The following AGAP1 variants were observed in gnomAD, a reference collection of about 807,000 sequenced individuals.
AGAP1 encodes arf-GAP with GTPase, ANK repeat and PH domain-containing protein 1.
Under a neutral mutation model 105.3 loss-of-function variants are expected in AGAP1, and 29 were observed. That is an observed-to-expected ratio of 0.28 (90% CI 0.21 to 0.38). The LOEUF (loss-of-function observed/expected upper bound fraction) is 0.38. Ranked by LOEUF, AGAP1 falls within the 10% of genes least tolerant of loss-of-function variation. The pLI, the probability that AGAP1 is intolerant of heterozygous loss-of-function variation, is 1.00. For synonymous variants in AGAP1, 509 were observed against 485.9 expected, an observed-to-expected ratio of 1.05 and a Z score of -0.63; for missense variants, 998 against 1,165.1, an observed-to-expected ratio of 0.86 and a Z score of 2.09.
intron 13 of AGAP1, among the ~76,000 whole-genome samples, chr2:235,986,103 A>C (rs550625485): frequency 1.3e-5 from 2 of 152,204 alleles, no homozygotes; most frequent in East Asian, 3.9e-4. Context: ...ATCCATGAGG[A>C]TGGAGTTTTT....
intron 9 of AGAP1, among the ~76,000 whole-genome samples, chr2:235,837,825 G>A (rs984709986): frequency 1.3e-5 from 2 of 152,046 alleles, no homozygotes; most frequent in African/African-American, 2.4e-5. Context: ...ATAAATGTTA[G>A]AAAAAAATTA....
Position 236,042,246 on chromosome 2 carries a change from C to T in AGAP1, c.1891+1405C>T, listed in dbSNP as rs11900972. ...GAAGGGAGACAGGAGCCCAGGACTG[C>T]TCCAGACAAAAGGGAAAGGAAGCGC... On this transcript the variant is annotated intron_variant, in intron 15 of 17. Transcript: ENST00000304032. This position sits in a 1 kb window ranked among gnomAD's most constrained non-coding sequence, Gnocchi z 5.6. Among the ~76,000 whole-genome samples, 1,750 of 152,164 alleles carry T rather than the reference C, an allele frequency of 0.012. 35 individuals carry two copies. The highest frequency in any genetic ancestry group is 0.04 in the African/African-American group (1,657 of 41,526).
rs1036520166 is a variant in AGAP1, at chr2:235,973,812, G to A, written c.1645+5189G>A. Among the ~76,000 whole-genome samples the A allele has an allele frequency of 3.3e-5, 5 of 152,182 alleles. No individual in the cohort carries two copies. The highest frequency in any genetic ancestry group is 1.2e-4 in the African/African-American group (5 of 41,450). On this transcript the variant is annotated intron_variant, in intron 13 of 17. Coordinates refer to ENST00000304032, the MANE Select transcript of AGAP1 (RefSeq NM_001037131.3). The surrounding 1 kb of genome is among the most constrained non-coding windows in gnomAD (Gnocchi z 4.7). ...TGGGGTCGGCATGGGTTGGACCAGG[G>A]CAGAGGAACCTGGGCTCTAGAAGGT...
At chr2:235,641,502 T>C (rs1168902840) in intron 1 of AGAP1, among the ~76,000 whole-genome samples, 1 of 152,058 alleles carries the variant, frequency 6.6e-6, no homozygotes, top group Non-Finnish European at 1.5e-5. Context: ...AGCAGCACTT[T>C]GGTAAATGTC....
chr2:235,840,681 A>G (rs1242937759), intron 9 of AGAP1, among the ~76,000 whole-genome samples: 8 of 152,028 alleles, frequency 5.3e-5, no homozygotes, highest in African/African-American at 1.7e-4. Context: ...TGGAAAGGAG[A>G]AGACATATCT....
intron 1 of AGAP1, among the ~76,000 whole-genome samples, chr2:235,587,480 G>A (rs113330605): frequency 1.6e-4 from 24 of 152,310 alleles, no homozygotes; most frequent in Middle Eastern, 3.4e-3. Flanking sequence ...GGCCGGGTGC[G>A]GTGGCTCATG....
intron 12 of AGAP1, among the ~76,000 whole-genome samples, chr2:235,944,140 A>G (rs890000763): frequency 6.6e-6 from 1 of 152,340 alleles, no homozygotes; most frequent in East Asian, 1.9e-4. Context: ...TTGCAGGGAA[A>G]TATTTCTATG....
At position 235,960,239 on chromosome 2, in the gene AGAP1, C is replaced by T. The variant is rs773692841; in HGVS notation, c.1484-8223C>T. Among the ~76,000 whole-genome samples the T allele has an allele frequency of 1.7e-4, 26 of 152,342 alleles. No individual in the cohort carries two copies. Among genetic ancestry groups the T allele is most frequent in the South Asian group, 1.2e-3 (6 of 4,824 alleles). Reference sequence around the variant, plus strand: ...ACACGTCAGTTACTCGAGTCATAGCCTCCTGAGGACGACTGCAAGGAGCTC... The same window carrying T: ...ACACGTCAGTTACTCGAGTCATAGCTTCCTGAGGACGACTGCAAGGAGCTC... On this transcript the variant is annotated intron_variant, in intron 12 of 17. Transcript: ENST00000304032. The surrounding 1 kb of genome is among the most constrained non-coding windows in gnomAD (Gnocchi z 4.9).
intron 1 of AGAP1, among the ~76,000 whole-genome samples, chr2:235,595,338 G>A (rs907646529): frequency 1.3e-5 from 2 of 152,160 alleles, no homozygotes; most frequent in East Asian, 1.9e-4. Flanking sequence ...GCCGGAAACC[G>A]TGAAACTGAC....
Position 236,022,533 on chromosome 2 carries a change from G to T in AGAP1, c.1646-14028G>T, listed in dbSNP as rs148316102. Among the ~76,000 whole-genome samples, 164 of 152,270 alleles carry T rather than the reference G, an allele frequency of 1.1e-3. 1 individual carries two copies. In the East Asian group the frequency reaches 0.029, roughly 27 times the overall value. ...TCCATATTCTCCAGGCTTGCCTACA[G>T]TCTTTGTCTTTTATTTTTGGACAGA... On this transcript the variant is annotated intron_variant, in intron 13 of 17. Coordinates refer to ENST00000304032, the MANE Select transcript of AGAP1 (RefSeq NM_001037131.3).
At chr2:235,945,115 T>C (rs1188906833) in intron 12 of AGAP1, among the ~76,000 whole-genome samples, 1 of 152,256 alleles carries the variant, frequency 6.6e-6, no homozygotes, top group Non-Finnish European at 1.5e-5. Flanking sequence ...TTTTTTGTTT[T>C]TTTGAGACGG....
chr2:235,567,443 GC>G (rs775923900), intron 1 of AGAP1, among the ~76,000 whole-genome samples: 35 of 152,162 alleles, frequency 2.3e-4, no homozygotes, highest in Non-Finnish European at 8.8e-5. Flanking sequence ...TCCTCTGCAA[GC>G]CCCAGTCACT....
intron 1 of AGAP1, among the ~76,000 whole-genome samples, chr2:235,697,994 G>A (rs937904359): frequency 3.3e-5 from 5 of 152,146 alleles, no homozygotes; most frequent in African/African-American, 1.2e-4. Context: ...CAGTCTCCAA[G>A]CTTTTTTGGC....
chr2:235,770,299 T>C (rs1248614474), intron 6 of AGAP1, among the ~76,000 whole-genome samples: 3 of 151,774 alleles, frequency 2.0e-5, no homozygotes, highest in Non-Finnish European at 4.4e-5. Flanking sequence ...CACGCCTGGC[T>C]AATTTTTTTT....
In AGAP1 at chr2:235,973,545, G is replaced by A. The variant is rs1466195832; in HGVS notation, c.1645+4922G>A. Among the ~76,000 whole-genome samples, 1 of 152,170 alleles carries A rather than the reference G, an allele frequency of 6.6e-6. No individual in the cohort carries two copies. Among genetic ancestry groups the A allele is most frequent in the African/African-American group, 2.4e-5 (1 of 41,448 alleles). On this transcript the variant is annotated intron_variant, in intron 13 of 17. Transcript: ENST00000304032. This position sits in a 1 kb window ranked among gnomAD's most constrained non-coding sequence, Gnocchi z 4.7. ...CCTGAAGCCTATGCATGGAGGGAACGTGCAGTGACCAGAGAGAAGGGTGGT... is the reference window on the plus strand; with the variant it reads ...CCTGAAGCCTATGCATGGAGGGAACATGCAGTGACCAGAGAGAAGGGTGGT...
Position 235,732,198 on chromosome 2 carries a change from A to G in AGAP1, c.311-8765A>G, listed in dbSNP as rs934945382. On this transcript the variant is annotated intron_variant, in intron 3 of 17. Transcript: ENST00000304032. This position sits in a 1 kb window ranked among gnomAD's most constrained non-coding sequence, Gnocchi z 4.8. ...TTGTTGTGGATGTGTTGTCAGAGAT[A>G]CCATTTATCCTTTTGTTTAGGTCCG... 6.6e-6 allele frequency among the ~76,000 whole-genome samples: 1 copy of G among 152,138 alleles called. No homozygotes were observed. The highest frequency in any genetic ancestry group is 2.4e-5 in the African/African-American group (1 of 41,420).
chr2:235,637,473 G>A (rs1947044543), intron 1 of AGAP1, among the ~76,000 whole-genome samples: 1 of 151,436 alleles, frequency 6.6e-6, no homozygotes, highest in Non-Finnish European at 1.5e-5. Context: ...TGTAGAGACA[G>A]GGTCTCACTA....
At position 235,725,555 on chromosome 2, in the gene AGAP1, G is replaced by A. The variant is rs13429153; in HGVS notation, c.310+7911G>A. ...ATACTCCAGTAACATTTGACTAGTCGTGAAATCTAGCCATTTAGATTTTTC... is the reference window on the plus strand; with the variant it reads ...ATACTCCAGTAACATTTGACTAGTCATGAAATCTAGCCATTTAGATTTTTC... On this transcript the variant is annotated intron_variant, in intron 3 of 17. Transcript: ENST00000304032. The surrounding 1 kb of genome is among the most constrained non-coding windows in gnomAD (Gnocchi z 5.7). Among the ~76,000 whole-genome samples the A allele has an allele frequency of 7.5e-3, 1,137 of 150,742 alleles. 19 individuals are homozygous for A. Among genetic ancestry groups the A allele is most frequent in the African/African-American group, 0.027 (1,096 of 41,162 alleles).
At chr2:235,863,489 G>A (rs1289193964) in intron 9 of AGAP1, among the ~76,000 whole-genome samples, 5 of 152,148 alleles carry the variant, frequency 3.3e-5, no homozygotes, top group South Asian at 2.1e-4. Flanking sequence ...CTGGCCTCCC[G>A]TCGAGTCCTC....
Sources: allele counts gnomAD v4.1 joint callset (sites outside exome capture counted in the v4.1 genomes callset), GRCh38; gene constraint gnomAD v4.1.1; non-coding constraint Gnocchi (gnomAD v3.1); transcripts MANE v1.5; gene names NCBI Gene and HGNC (gene_info 2026-07-23, HGNC 2026-07-21).